The following ZNF516 variants were observed in gnomAD, a reference collection of about 807,000 sequenced individuals.
ZNF516 encodes zinc finger protein 516.
In ZNF516, 19 loss-of-function variants were observed where a neutral mutation model predicts 79.7. That is an observed-to-expected ratio of 0.24 (90% CI 0.17 to 0.35). ZNF516 has a LOEUF of 0.35. ZNF516 is among the 10% of genes least tolerant of loss of function. The pLI, the probability that ZNF516 is intolerant of heterozygous loss-of-function variation, is 1.00. For missense variants in ZNF516, 1,678 were observed against 1,679.5 expected, an observed-to-expected ratio of 1.00 and a Z score of 0.02; for synonymous variants, 877 against 739.5, an observed-to-expected ratio of 1.19 and a Z score of -3.02.
At chr18:76,370,705 T>C in intron 5 of ZNF516, 110 bp from the exon 6 acceptor site, 1 of 852,794 alleles carries the variant, frequency 1.2e-6, no homozygotes, top group Non-Finnish European at 1.7e-6. Context: ...CACCAGCGCC[T>C]AGCCTGTGGC....
Position 76,366,537 on chromosome 18 carries a change from C to A in ZNF516, c.3433-3980G>T, listed in dbSNP as rs558339782. On this transcript the variant is annotated intron_variant, in intron 6 of 6. Coordinates refer to ENST00000443185, the MANE Select transcript of ZNF516 (RefSeq NM_014643.4). ...ACGCTGGCAGGTTCCGACAAAGCCA[C>A]AAGACACCAAGTAAAGAAAACATGC... Among the ~76,000 whole-genome samples, 14 of 152,314 alleles carry A rather than the reference C, an allele frequency of 9.2e-5. No individual in the cohort carries two copies. The South Asian group carries it at 2.9e-3, about 32-fold the overall frequency.
chr18:76,398,474 T>G (rs528073028), intron 3 of ZNF516, among the ~76,000 whole-genome samples: 5 of 152,294 alleles, frequency 3.3e-5, no homozygotes, highest in African/African-American at 7.2e-5. Context: ...AGGCCGTACA[T>G]GAAGTCTTAT....
At chr18:76,468,220 C>T (rs1913608141) in intron 1 of ZNF516, among the ~76,000 whole-genome samples, 1 of 152,168 alleles carries the variant, frequency 6.6e-6, no homozygotes, top group Admixed American at 6.5e-5. Flanking sequence ...TTAGGATTGG[C>T]AGTGTCCTAC....
intron 2 of ZNF516, among the ~76,000 whole-genome samples, chr18:76,460,613 C>T (rs1599126098): frequency 6.6e-6 from 1 of 152,104 alleles, no homozygotes; most frequent in Admixed American, 6.5e-5. Context: ...GGTGGCTGAT[C>T]GATCCTGTTT....
intron 6 of ZNF516, among the ~76,000 whole-genome samples, chr18:76,364,251 T>A (rs1328323540): frequency 6.6e-6 from 1 of 152,204 alleles, no homozygotes; most frequent in African/African-American, 2.4e-5. Flanking sequence ...TTCCAATACC[T>A]CATTTTTTTA....
At chr18:76,424,687 G>T (rs1185579085) in intron 3 of ZNF516, among the ~76,000 whole-genome samples, 2 of 127,994 alleles carry the variant, frequency 1.6e-5, no homozygotes, top group Non-Finnish European at 3.2e-5. Context: ...AGGTGAAAAG[G>T]CTCCCCCGAA....
At position 76,442,245 on chromosome 18, in the gene ZNF516, G is replaced by A. The variant is rs770708620; in HGVS notation, c.810C>T (p.His270=). The A allele has an allele frequency of 2.5e-6, 4 of 1,613,624 alleles. No individual in the cohort carries two copies. The Admixed American group carries it at 5.0e-5, about 20-fold the overall frequency. The stretch of plus-strand genomic sequence containing the variant: ...GGCAGCCGTGGTCGAAGGAGCCCCG[G>A]TGCTTCTTCATGTGCGCCTTCAGGA... ...TWFLKAHMKK[H]RGSFDHGCHI... Residue 270 remains histidine, a synonymous_variant, in exon 3 of 7, where the codon CAC becomes CAT. Coordinates refer to ENST00000443185, the MANE Select transcript of ZNF516 (RefSeq NM_014643.4).
At chr18:76,368,647 TA>T (rs2074656319) in intron 6 of ZNF516, among the ~76,000 whole-genome samples, 1 of 152,092 alleles carries the variant, frequency 6.6e-6, no homozygotes, top group Admixed American at 6.5e-5. Flanking sequence ...GTATGAAGTA[TA>T]AAATAACAAT....
intron 3 of ZNF516, among the ~76,000 whole-genome samples, chr18:76,422,172 A>T (rs1168829799): frequency 6.6e-6 from 1 of 152,192 alleles, no homozygotes; most frequent in Non-Finnish European, 1.5e-5. Flanking sequence ...TCAGCTAGAG[A>T]TGTGGAGGAC....
At chr18:76,370,128 A>G (rs1380944235) in intron 6 of ZNF516, among the ~76,000 whole-genome samples, 1 of 152,256 alleles carries the variant, frequency 6.6e-6, no homozygotes, top group Middle Eastern at 3.2e-3. Context: ...ACCACGCTGG[A>G]CACGAAACTT....
At chr18:76,484,455 C>A (rs1184023818) in intron 1 of ZNF516, among the ~76,000 whole-genome samples, 1 of 152,190 alleles carries the variant, frequency 6.6e-6, no homozygotes, top group Admixed American at 6.5e-5. Flanking sequence ...GTCAATGTAA[C>A]ACTCCTAACG....
At chr18:76,376,818 T>G (rs1013516139) in intron 4 of ZNF516, among the ~76,000 whole-genome samples, 19 of 151,978 alleles carry the variant, frequency 1.3e-4, no homozygotes, top group African/African-American at 4.3e-4. Context: ...AAACTATGAG[T>G]CCGGTGGATC....
At chr18:76,373,352 A>G (rs1256339187) in intron 4 of ZNF516, among the ~76,000 whole-genome samples, 1 of 151,222 alleles carries the variant, frequency 6.6e-6, no homozygotes, top group African/African-American at 2.5e-5. Flanking sequence ...GAAGGAAAGG[A>G]AAGAAAGAAA....
At chr18:76,436,962 G>GTGAA (rs1359982731) in intron 3 of ZNF516, among the ~76,000 whole-genome samples, 2 of 151,980 alleles carry the variant, frequency 1.3e-5, no homozygotes, top group African/African-American at 2.4e-5. Context: ...AGCTGCTCTG[G>GTGAA]AGGCTGAGGT....
chr18:76,381,899 A>G (rs1291332018), intron 3 of ZNF516, among the ~76,000 whole-genome samples: 2 of 152,216 alleles, frequency 1.3e-5, no homozygotes, highest in Non-Finnish European at 2.9e-5. Context: ...TGGGGGGCCG[A>G]GGCGGGTGGG....
chr18:76,496,386 T>C (rs1197596967), upstream of ZNF516: 1 of 1,289,596 alleles, frequency 7.8e-7, no homozygotes, highest in Admixed American at 2.3e-5. Context: ...GCTGCAATCC[T>C]GGCGGTTACC....
upstream of ZNF516, chr18:76,496,296 T>G (rs1218248769): frequency 4.7e-6 from 6 of 1,289,396 alleles, no homozygotes; most frequent in Non-Finnish European, 6.1e-6. Flanking sequence ...GCCGTATTGT[T>G]CTCCTTCTCC....
At chr18:76,496,158 G>A (rs1422766489), upstream of ZNF516, 3 of 827,428 alleles carry the variant, frequency 3.6e-6, no homozygotes, top group Non-Finnish European at 4.9e-6. Flanking sequence ...GGGAGGGCGG[G>A]CGCGCGGGGG....
At position 76,412,468 on chromosome 18, in the gene ZNF516, C is replaced by T. The variant is rs536278215; in HGVS notation, c.1810+28777G>A. Among the ~76,000 whole-genome samples the T allele has an allele frequency of 3.3e-5, 5 of 152,312 alleles. 1 individual carries two copies. In the South Asian group the frequency reaches 6.2e-4, roughly 19 times the overall value. ...ACACAGGCGTGACCCCAAACACTGCCTCCACTCACCTGGGGACCGACGGGA... is the reference window on the plus strand; with the variant it reads ...ACACAGGCGTGACCCCAAACACTGCTTCCACTCACCTGGGGACCGACGGGA... On this transcript the variant is annotated intron_variant, in intron 3 of 6. Transcript: ENST00000443185.
Sources: allele counts gnomAD v4.1 joint callset (sites outside exome capture counted in the v4.1 genomes callset), GRCh38; gene constraint gnomAD v4.1.1; transcripts MANE v1.5; gene names NCBI Gene and HGNC (gene_info 2026-07-23, HGNC 2026-07-21).